The following LEPR variants were observed in gnomAD, a reference collection of about 807,000 sequenced individuals.
LEPR encodes OB receptor.
Under a neutral mutation model 114.7 loss-of-function variants are expected in LEPR, and 56 were observed. The observed-to-expected ratio is 0.49, with a 90% CI of 0.39 to 0.61. The LOEUF (loss-of-function observed/expected upper bound fraction) is 0.61, where lower values mean the gene tolerates loss of function less well. Among genes scored for constraint, LEPR ranks in the 20% least tolerant of loss-of-function variants. The pLI is 0.00. For missense variants in LEPR, 1,202 were observed against 1,352.9 expected (o/e 0.89, Z 1.75); for synonymous variants, 443 against 461.4 (o/e 0.96, Z 0.51).
chr1:65,428,629 C>T (rs1394489520), intron 2 of LEPR, among the ~76,000 whole-genome samples: 1 of 152,128 alleles, frequency 6.6e-6, no homozygotes, highest in African/African-American at 2.4e-5. Flanking sequence ...GTGGCTTCAT[C>T]CCAACTCCTG....
At chr1:65,550,262 G>C (rs893016403) in intron 2 of LEPR, among the ~76,000 whole-genome samples, 2 of 152,190 alleles carry the variant, frequency 1.3e-5, no homozygotes, top group Non-Finnish European at 2.9e-5. Context: ...CGGGGGTCAG[G>C]GGTCAGGGAC....
chr1:65,473,731 C>T (rs1187267256), intron 2 of LEPR, among the ~76,000 whole-genome samples: 1 of 152,120 alleles, frequency 6.6e-6, no homozygotes, highest in African/African-American at 2.4e-5. Context: ...TGACATAGTA[C>T]ATATAAAGCA....
intron 11 of LEPR, 64 bp from the exon 12 acceptor site, chr1:65,608,689 A>T (rs1656980442): frequency 1.3e-6 from 2 of 1,526,766 alleles, no homozygotes; most frequent in Admixed American, 3.7e-5. Flanking sequence ...AATATAACAC[A>T]ATGTTTTTAG....
rs766181911 is a variant in LEPR at position 65,626,205 on chromosome 1, G to T, written c.2673+3224G>T. 33 of 1,597,640 alleles carry T rather than the reference G, an allele frequency of 2.1e-5. 1 individual carries two copies. The South Asian group carries it at 3.2e-4, about 15-fold the overall frequency. ...GTAGACTACGTCCTACCTCGCTGCCGCACCTGCTCTCCCTGAGGTGTGCAC... is the reference window on the plus strand; with the variant it reads ...GTAGACTACGTCCTACCTCGCTGCCTCACCTGCTCTCCCTGAGGTGTGCAC... On this transcript the variant is annotated intron_variant, in intron 19 of 19. Coordinates refer to ENST00000349533, the MANE Select transcript of LEPR (RefSeq NM_002303.6).
In LEPR at chr1:65,598,194, A is replaced by G. The variant is rs567649996; in HGVS notation, c.850-466A>G. Among the ~76,000 whole-genome samples the G allele has an allele frequency of 5.8e-4, 86 of 147,868 alleles. 1 individual carries two copies. Among genetic ancestry groups the G allele is most frequent in the Admixed American group, 1.2e-3 (18 of 14,622 alleles). ...AGTGGTCTACCCACTTCGGTCTCCCAAAGTGTTGGGATTACAGGCATGAGC... is the reference window on the plus strand; with the variant it reads ...AGTGGTCTACCCACTTCGGTCTCCCGAAGTGTTGGGATTACAGGCATGAGC... On this transcript the variant is annotated intron_variant, in intron 7 of 19. Coordinates refer to ENST00000349533, the MANE Select transcript of LEPR (RefSeq NM_002303.6).
At chr1:65,517,446 T>C (rs1421925025) in intron 2 of LEPR, among the ~76,000 whole-genome samples, 9 of 152,206 alleles carry the variant, frequency 5.9e-5, no homozygotes, top group Admixed American at 5.9e-4. Context: ...CTGATCTCTG[T>C]CTGTATGTTA....
intron 2 of LEPR, among the ~76,000 whole-genome samples, chr1:65,546,355 G>A (rs1350852902): frequency 6.6e-6 from 1 of 152,140 alleles, no homozygotes; most frequent in Non-Finnish European, 1.5e-5. Context: ...AAAGTCATTG[G>A]CAGCTTGATG....
At chr1:65,468,425 C>T (rs1023371276) in intron 2 of LEPR, among the ~76,000 whole-genome samples, 1 of 152,180 alleles carries the variant, frequency 6.6e-6, no homozygotes, top group Non-Finnish European at 1.5e-5. Context: ...ACAATCTGTA[C>T]TCTCTTAGCA....
intron 2 of LEPR, among the ~76,000 whole-genome samples, chr1:65,528,844 G>T (rs1023076440): frequency 6.6e-6 from 1 of 151,936 alleles, no homozygotes; most frequent in Non-Finnish European, 1.5e-5. Flanking sequence ...TTGCTCTGTC[G>T]CCCAGGTTGG....
chr1:65,569,632 G>A (rs1332665692), intron 3 of LEPR, among the ~76,000 whole-genome samples: 9 of 149,542 alleles, frequency 6.0e-5, no homozygotes, highest in African/African-American at 1.7e-4. Flanking sequence ...GCTTGAACCC[G>A]GGAAGCAGAG....
intron 2 of LEPR, among the ~76,000 whole-genome samples, chr1:65,487,459 G>T: frequency 6.6e-6 from 1 of 151,938 alleles, no homozygotes; most frequent in East Asian, 1.9e-4. Context: ...TACTTGAATT[G>T]TTATGTGTGG....
At chr1:65,509,788 T>G (rs192370379) in intron 2 of LEPR, among the ~76,000 whole-genome samples, 2 of 152,320 alleles carry the variant, frequency 1.3e-5, no homozygotes, top group East Asian at 3.9e-4. Context: ...TGACTTTACC[T>G]TAAGAAAAAC....
chr1:65,522,899 G>T lies in LEPR; in HGVS notation c.-20-42647G>T, dbSNP rs550513121. On this transcript the variant is annotated intron_variant, in intron 2 of 19. Transcript: ENST00000349533. ...ATGAGTCAGGGTGCTAATCTGCTTT[G>T]CTCTAGTAAATTCTATCTTCTCATT... Among the ~76,000 whole-genome samples the T allele has an allele frequency of 9.4e-5, 14 of 149,716 alleles. No homozygotes were observed. The Middle Eastern group carries it at 0.01, about 111-fold the overall frequency.
At chr1:65,634,069 T>C (rs1172632966) in intron 19 of LEPR, 2 of 985,300 alleles carry the variant, frequency 2.0e-6, no homozygotes, top group African/African-American at 1.7e-5. Context: ...TTATGAATAG[T>C]TCATGGTGAG....
chr1:65,433,567 T>C (rs1646517655), intron 2 of LEPR: 11 of 985,162 alleles, frequency 1.1e-5, no homozygotes, highest in African/African-American at 1.7e-5. Flanking sequence ...TTAGCAGGTA[T>C]GATGCTGGGA....
intron 19 of LEPR, among the ~76,000 whole-genome samples, chr1:65,625,029 C>T (rs1354279622): frequency 6.6e-6 from 1 of 152,022 alleles, no homozygotes. Flanking sequence ...ACAGTGTTGC[C>T]GAGTTTTTCA....
rs1658795278 is a variant in LEPR, at chr1:65,638,920, G to A, written c.*1905G>A. 6.6e-6 allele frequency: 1 copy of A among 152,052 alleles called. No homozygotes were observed. Among genetic ancestry groups the A allele is most frequent in the African/African-American group, 2.4e-5 (1 of 41,392 alleles). The allele number at this position is 152,052 out of a possible 1,614,324, so 9.4% of individuals were successfully genotyped here. On this transcript the variant is annotated 3_prime_UTR_variant, in exon 20 of 20. Transcript: ENST00000349533. ...CACAGAAACAGATAAATTATTACAT[G>A]TATAAAAATTTTAGTAAAATTGACA...
At chr1:65,608,558 ATT>A (rs1450077899) in intron 11 of LEPR, among the ~76,000 whole-genome samples, 193 bp from the exon 12 acceptor site, 1 of 152,164 alleles carries the variant, frequency 6.6e-6, no homozygotes, top group Non-Finnish European at 1.5e-5. Flanking sequence ...TCAAGTCTAT[ATT>A]TGCGAAAAAG....
chr1:65,455,873 C>T (rs1476807632), intron 2 of LEPR, among the ~76,000 whole-genome samples: 1 of 152,156 alleles, frequency 6.6e-6, no homozygotes, highest in Non-Finnish European at 1.5e-5. Flanking sequence ...GGGCGCCCCT[C>T]CCCCAGCCTT....
Sources: gnomAD v4.1 joint callset for allele counts (sites outside exome capture counted in the v4.1 genomes callset) on GRCh38, gnomAD v4.1.1 for gene constraint, MANE v1.5 for transcripts, NCBI Gene and HGNC (gene_info 2026-07-23, HGNC 2026-07-21) for gene names.